The following SPAG17 variants were observed in gnomAD, a reference collection of about 807,000 sequenced individuals.
SPAG17 encodes the protein sperm-associated antigen 17.
Under a neutral mutation model 273.6 loss-of-function variants are expected in SPAG17, and 169 were observed. The observed-to-expected ratio is 0.62, with a 90% confidence interval of 0.55 to 0.70. SPAG17 has a LOEUF of 0.70. Among genes scored for constraint, SPAG17 ranks in the 30% least tolerant of loss-of-function variants. The probability of loss-of-function intolerance (pLI) is 0.00; values close to 1 mark genes in which losing one functional copy is unlikely to be tolerated. For missense variants in SPAG17, 2,557 were observed against 2,627.8 expected (o/e 0.97, Z 0.59); for synonymous variants, 825 against 873.2 (o/e 0.94, Z 0.97).
intron 48 of SPAG17, among the ~76,000 whole-genome samples, chr1:117,954,402 C>T (rs1402973466): frequency 2.6e-5 from 4 of 152,044 alleles, no homozygotes; most frequent in Admixed American, 2.0e-4. Flanking sequence ...ATTGTCCAAG[C>T]TCATTCATGA....
chr1:118,065,128 G>A (rs902171982), intron 18 of SPAG17, among the ~76,000 whole-genome samples: 1 of 151,998 alleles, frequency 6.6e-6, no homozygotes, highest in African/African-American at 2.4e-5. Context: ...TGTTAAGAAC[G>A]AAAAAGAATA....
intron 1 of SPAG17, among the ~76,000 whole-genome samples, chr1:118,165,087 T>TA (rs1263463073): frequency 1.3e-5 from 2 of 152,196 alleles, no homozygotes; most frequent in African/African-American, 2.4e-5. Flanking sequence ...TATGAAAACT[T>TA]AGTGTCTGTA....
At position 118,023,469 on chromosome 1, in the gene SPAG17, GA is replaced by G; in HGVS notation, c.3910-7del. The G allele has an allele frequency of 6.2e-7, 1 of 1,602,926 alleles. No homozygotes were observed. Among genetic ancestry groups the G allele is most frequent in the Non-Finnish European group, 8.5e-7 (1 of 1,174,758 alleles). ...GCACCATCTGCAAAGAGAATCTGAAGAATGAACAAAAGTTTTCAGCATTCTC... is the reference window on the plus strand; with the variant it reads ...GCACCATCTGCAAAGAGAATCTGAAGATGAACAAAAGTTTTCAGCATTCTC... On this transcript the variant is annotated splice_region_variant and splice_polypyrimidine_tract_variant and intron_variant, in intron 27 of 48. Transcript: ENST00000336338.
Position 118,092,231 on chromosome 1 carries a change from A to C in SPAG17, c.1174-229T>G, listed in dbSNP as rs1655423245. On this transcript the variant is annotated intron_variant, in intron 8 of 48. Coordinates refer to ENST00000336338, the MANE Select transcript of SPAG17 (RefSeq NM_206996.4). ...TTTTTCCTACCAGAACCCACTGAGC[A>C]ATTGTGGAGAAAGTGATGGGGTGAT... is the stretch of plus-strand genomic sequence containing the variant. Among the ~76,000 whole-genome samples, 3 of 152,148 alleles carry C rather than the reference A, an allele frequency of 2.0e-5. No individual in the cohort carries two copies. In the South Asian group the frequency reaches 6.2e-4, roughly 32 times the overall value.
intron 3 of SPAG17, among the ~76,000 whole-genome samples, chr1:118,128,086 C>T (rs1657839498): frequency 6.6e-6 from 1 of 151,534 alleles, no homozygotes; most frequent in African/African-American, 2.4e-5. Context: ...CGCACCGCTG[C>T]ACTCCAGCCT....
chr1:118,047,022 T>A (rs1230221287), intron 20 of SPAG17, among the ~76,000 whole-genome samples: 1 of 152,248 alleles, frequency 6.6e-6, no homozygotes. Flanking sequence ...ACAAGATTTT[T>A]AAAAATCTAG....
chr1:118,025,240 G>A lies in SPAG17; in HGVS notation c.3907C>T (p.Gln1303Ter). Reference protein sequence around the residue: ...VVKYMLDGSTQILFADGAVSR... With the variant: ...VVKYMLDGST ...ATTTCTCTAACACATTCTTTTACCT[G>A]TGTGGATCCATCCAACATATATTTG... The change falls in exon 27 of 49, where the codon CAG (glutamine) becomes TAG (stop). Residue 1303 changes from glutamine (Q) to a stop codon, truncating the protein, a stop_gained and splice_region_variant. Transcript: ENST00000336338. LOFTEE classifies it high-confidence loss of function. 6.2e-7 allele frequency: 1 copy of A among 1,613,200 alleles called. No individual in the cohort carries two copies. The highest frequency in any genetic ancestry group is 8.5e-7 in the Non-Finnish European group (1 of 1,179,538).
At position 118,008,181 on chromosome 1, in the gene SPAG17, C is replaced by A; in HGVS notation, c.4450G>T (p.Val1484Phe). 1 of 1,613,904 alleles carries A rather than the reference C, an allele frequency of 6.2e-7. No individual in the cohort carries two copies. The highest frequency in any genetic ancestry group is 8.5e-7 in the Non-Finnish European group (1 of 1,179,944). The stretch of plus-strand genomic sequence containing the variant: ...CGCATACACTTCACCTGCCTGGTGA[C>A]AGTCCGAGGACCCTCGGCTACAAGC... ...DQETTEGPRTVTRQVKCMRVE... is the reference protein window; with the variant it reads ...DQETTEGPRTFTRQVKCMRVE... Residue 1484 changes from valine to phenylalanine, a missense_variant, in exon 31 of 49, where the codon GTC (valine) becomes TTC (phenylalanine). Physicochemically the swap from Val to Phe is conservative, Grantham distance 50. Transcript: ENST00000336338.
At chr1:118,185,036 G>A (rs754437908) in intron 1 of SPAG17, 35 bp downstream of exon 1, 3 of 1,581,014 alleles carry the variant, frequency 1.9e-6, no homozygotes, top group Non-Finnish European at 2.6e-6. Context: ...TGGCATTGCC[G>A]GGGGCAGGGA....
chr1:118,182,851 A>T (rs1192956208), intron 1 of SPAG17, among the ~76,000 whole-genome samples: 1 of 152,204 alleles, frequency 6.6e-6, no homozygotes, highest in Non-Finnish European at 1.5e-5. Flanking sequence ...TCATCTTCCT[A>T]ACCTCTAGTC....
intron 31 of SPAG17, 71 bp from the exon 32 acceptor site, chr1:118,005,673 T>A: frequency 8.7e-7 from 1 of 1,145,442 alleles, no homozygotes; most frequent in Non-Finnish European, 1.2e-6. Flanking sequence ...GGAAAACCAT[T>A]TTAGGAGAAA....
chr1:117,959,358 G>A (rs201509498), intron 48 of SPAG17: 2 of 1,613,880 alleles, frequency 1.2e-6, no homozygotes, highest in Non-Finnish European at 1.7e-6. Context: ...AAAAAGTGAA[G>A]TTATGTTTTT....
At chr1:118,060,161 G>A (rs1480781993) in intron 18 of SPAG17, among the ~76,000 whole-genome samples, 1 of 151,672 alleles carries the variant, frequency 6.6e-6, no homozygotes, top group Non-Finnish European at 1.5e-5. Flanking sequence ...CAGTGTTATT[G>A]TTTCATTCCT....
intron 23 of SPAG17, among the ~76,000 whole-genome samples, chr1:118,037,711 G>A (rs1028816000): frequency 5.9e-5 from 9 of 152,156 alleles, no homozygotes; most frequent in African/African-American, 2.2e-4. Flanking sequence ...ATTCCGTAGT[G>A]TGTATGTACC....
intron 15 of SPAG17, among the ~76,000 whole-genome samples, chr1:118,076,052 C>G (rs1388885709): frequency 1.3e-5 from 2 of 151,940 alleles, no homozygotes; most frequent in African/African-American, 4.8e-5. Flanking sequence ...TAACTGTACT[C>G]TGAGCACCCA....
intron 46 of SPAG17, among the ~76,000 whole-genome samples, chr1:117,967,941 G>A (rs1481767743): frequency 5.3e-5 from 8 of 152,314 alleles, no homozygotes; most frequent in African/African-American, 1.9e-4. Context: ...ATAAATAGTA[G>A]AATTGGAAAA....
intron 3 of SPAG17, among the ~76,000 whole-genome samples, chr1:118,120,715 T>C (rs1451190852): frequency 6.6e-6 from 1 of 152,206 alleles, no homozygotes; most frequent in Non-Finnish European, 1.5e-5. Flanking sequence ...ATAGGAAGAA[T>C]ACAGAATTTG....
intron 28 of SPAG17, among the ~76,000 whole-genome samples, chr1:118,022,057 G>C (rs1660549715): frequency 6.6e-6 from 1 of 152,038 alleles, no homozygotes; most frequent in African/African-American, 2.4e-5. Context: ...AGTAAATCCA[G>C]GTTTCTAGAT....
intron 7 of SPAG17, among the ~76,000 whole-genome samples, chr1:118,095,947 A>G (rs1322306011): frequency 6.6e-6 from 1 of 152,156 alleles, no homozygotes; most frequent in Non-Finnish European, 1.5e-5. Flanking sequence ...AGGGGCAAGG[A>G]CAAAGGGAGT....
Sources: gnomAD v4.1 joint callset for allele counts (sites outside exome capture counted in the v4.1 genomes callset) on GRCh38, gnomAD v4.1.1 for gene constraint, MANE v1.5 for transcripts, NCBI Gene and HGNC (gene_info 2026-07-23, HGNC 2026-07-21) for gene names.